The following DLGAP2 variants were observed in gnomAD, a reference collection of about 807,000 sequenced individuals.
DLGAP2 encodes DLG associated protein 2.
DLGAP2 carries 26 observed loss-of-function variants against 100.3 expected under a neutral mutation model. The observed-to-expected ratio is 0.26, with a 90% CI of 0.19 to 0.36. The LOEUF (loss-of-function observed/expected upper bound fraction) is 0.36. Ranked by LOEUF, DLGAP2 falls within the 10% of genes least tolerant of loss-of-function variation. The pLI is 1.00. For missense variants in DLGAP2, 1,858 were observed against 1,453.2 expected (o/e 1.28, Z -4.53); for synonymous variants, 886 against 630.1 (o/e 1.41, Z -6.08).
chr8:1,298,337 C>T (rs547870179), intron 3 of DLGAP2, among the ~76,000 whole-genome samples: 42 of 152,306 alleles, frequency 2.8e-4, no homozygotes, highest in Middle Eastern at 3.4e-3. Context: ...CGTCCTGCAG[C>T]CTACAGAGGC....
intron 3 of DLGAP2, among the ~76,000 whole-genome samples, chr8:1,260,525 A>G (rs1394855755): frequency 6.6e-6 from 1 of 152,120 alleles, no homozygotes; most frequent in African/African-American, 2.4e-5. Flanking sequence ...ATCTGAATCC[A>G]TGATGTTTGG....
intron 1 of DLGAP2, among the ~76,000 whole-genome samples, chr8:888,603 C>CT (rs776447098): frequency 0.015 from 2,042 of 136,798 alleles, 48 homozygotes; most frequent in African/African-American, 0.046. Context: ...TCACTTTCTG[C>CT]TTTTTTTTTT....
chr8:812,615 C>G (rs1796392994), intron 1 of DLGAP2, among the ~76,000 whole-genome samples: 1 of 152,166 alleles, frequency 6.6e-6, no homozygotes, highest in African/African-American at 2.4e-5. Flanking sequence ...TCAATTAAAT[C>G]TGTAATTATA....
rs117631006 is a variant in DLGAP2 at position 1,309,550 on chromosome 8, G to A, written c.106+50667G>A. 3.4e-4 allele frequency among the ~76,000 whole-genome samples: 52 copies of A among 152,268 alleles called. No individual in the cohort carries two copies. In the East Asian group the frequency reaches 9.4e-3, roughly 28 times the overall value. On this transcript the variant is annotated intron_variant, in intron 3 of 14. Transcript: ENST00000637795. ...GGAAGTAAGACATTCCCAGATAAAC[G>A]GAACTTGAGACTTGCTCTACAAGAA... is the stretch of plus-strand genomic sequence containing the variant.
At chr8:1,385,872 C>T (rs1383911764) in intron 3 of DLGAP2, among the ~76,000 whole-genome samples, 4 of 152,228 alleles carry the variant, frequency 2.6e-5, no homozygotes, top group African/African-American at 4.8e-5. Flanking sequence ...CACAGTTACC[C>T]GGCCTGTGCC....
chr8:949,218 G>A (rs1799413364), intron 2 of DLGAP2, among the ~76,000 whole-genome samples: 1 of 152,224 alleles, frequency 6.6e-6, no homozygotes, highest in Non-Finnish European at 1.5e-5. Flanking sequence ...CAAGGGTCCA[G>A]CCTGTGCTGT....
chr8:1,181,598 C>T (rs1482087716), intron 2 of DLGAP2, among the ~76,000 whole-genome samples: 1 of 151,946 alleles, frequency 6.6e-6, no homozygotes, highest in Non-Finnish European at 1.5e-5. Flanking sequence ...AGGCTTAATA[C>T]CTGGGGGGTG....
chr8:917,691 C>A (rs1160916533), intron 2 of DLGAP2, among the ~76,000 whole-genome samples: 2 of 152,286 alleles, frequency 1.3e-5, no homozygotes, highest in Admixed American at 1.3e-4. Context: ...AATCATTCTC[C>A]TGCCTCAGCC....
intron 1 of DLGAP2, among the ~76,000 whole-genome samples, chr8:869,062 G>C (rs1259720842): frequency 3.9e-5 from 6 of 152,230 alleles, no homozygotes; most frequent in Non-Finnish European, 8.8e-5. Context: ...CAGAAAGCAA[G>C]TTTCTGGGCC....
chr8:1,531,403 G>A (rs772400513), intron 4 of DLGAP2, among the ~76,000 whole-genome samples: 3 of 151,954 alleles, frequency 2.0e-5, no homozygotes, highest in Non-Finnish European at 4.4e-5. Flanking sequence ...TTCAAAAGCT[G>A]TTTTCTTCAT....
intron 3 of DLGAP2, among the ~76,000 whole-genome samples, chr8:1,364,554 G>A (rs535324779): frequency 1.3e-4 from 20 of 152,308 alleles, no homozygotes; most frequent in South Asian, 1.0e-3. Flanking sequence ...TGGGGCTGGC[G>A]GGAAGCGTCT....
At chr8:1,042,493 C>T (rs769322112) in intron 2 of DLGAP2, among the ~76,000 whole-genome samples, 1 of 152,210 alleles carries the variant, frequency 6.6e-6, no homozygotes, top group Non-Finnish European at 1.5e-5. Flanking sequence ...TCGTGTTCTG[C>T]CTGAGATGTG....
intron 3 of DLGAP2, among the ~76,000 whole-genome samples, chr8:1,417,141 C>T (rs1162237862): frequency 1.9e-4 from 17 of 87,964 alleles, no homozygotes; most frequent in African/African-American, 8.5e-4. Context: ...GCGTCTGAGG[C>T]GGGGGAGACT....
chr8:965,250 C>CAG (rs1799825921), intron 2 of DLGAP2, among the ~76,000 whole-genome samples: 1 of 108,642 alleles, frequency 9.2e-6, no homozygotes, highest in Non-Finnish European at 2.0e-5. Flanking sequence ...TCACCTCACA[C>CAG]GGCTCCTGAG....
intron 2 of DLGAP2, among the ~76,000 whole-genome samples, chr8:1,087,493 C>T (rs1461111239): frequency 2.6e-5 from 4 of 152,052 alleles, no homozygotes; most frequent in Non-Finnish European, 4.4e-5. Context: ...GATTTGTAAT[C>T]TCAGACATTT....
At chr8:873,897 C>T (rs4735946) in intron 1 of DLGAP2, among the ~76,000 whole-genome samples, 135,379 of 152,220 alleles carry the variant, frequency 0.89, 60,591 homozygotes, top group African/African-American at 0.94. Context: ...TCTTCACTCT[C>T]GAGACGTCTG....
chr8:1,503,556 G>A (rs1212381755), intron 4 of DLGAP2, among the ~76,000 whole-genome samples: 2 of 152,264 alleles, frequency 1.3e-5, no homozygotes, highest in South Asian at 2.1e-4. Flanking sequence ...TGGCCAGTGT[G>A]AATGGTACTG....
chr8:1,104,096 G>A (rs902295853), intron 2 of DLGAP2, among the ~76,000 whole-genome samples: 9 of 152,214 alleles, frequency 5.9e-5, no homozygotes, highest in East Asian at 1.9e-4. Context: ...ATGTGTGCAC[G>A]TTTCCTTCAT....
chr8:1,268,261 G>A (rs1799508552), intron 3 of DLGAP2, among the ~76,000 whole-genome samples: 1 of 152,054 alleles, frequency 6.6e-6, no homozygotes, highest in South Asian at 2.1e-4. Context: ...TCAGGCCGTG[G>A]GTTTAGTGTG....
Sources: allele counts gnomAD v4.1 joint callset (sites outside exome capture counted in the v4.1 genomes callset), GRCh38; gene constraint gnomAD v4.1.1; transcripts MANE v1.5; gene names NCBI Gene and HGNC (gene_info 2026-07-23, HGNC 2026-07-21).